Variants in RGS7 observed in about 807,000 individuals in gnomAD.
RGS7 encodes the protein regulator of G-protein signaling 7.
RGS7 carries 27 observed loss-of-function variants against 81.1 expected under a neutral mutation model. The observed-to-expected ratio is 0.33, with a 90% CI of 0.25 to 0.46. The LOEUF (loss-of-function observed/expected upper bound fraction) is 0.46. Ranked by LOEUF, RGS7 falls within the 20% of genes least tolerant of loss-of-function variation. The pLI is 1.00. For missense variants in RGS7, 396 were observed against 607.4 expected (o/e 0.65, Z 3.66); for synonymous variants, 208 against 207.7 (o/e 1.00, Z -0.01).
At position 241,314,542 on chromosome 1, in the gene RGS7, G is replaced by A. The variant is rs140574357; in HGVS notation, c.78+41157C>T. On this transcript the variant is annotated intron_variant, in intron 2 of 18. Coordinates refer to ENST00000440928, the MANE Select transcript of RGS7 (RefSeq NM_001364886.1). Reference sequence around the variant, plus strand: ...AGAAACCAAAGAATTTGTGTGGCTCGCTTTATTGTCATATTCATTTATCAA... The same window carrying A: ...AGAAACCAAAGAATTTGTGTGGCTCACTTTATTGTCATATTCATTTATCAA... Among the ~76,000 whole-genome samples, 97 of 152,226 alleles carry A rather than the reference G, an allele frequency of 6.4e-4. 1 individual carries two copies. The highest frequency in any genetic ancestry group is 1.9e-3 in the African/African-American group (80 of 41,536).
intron 4 of RGS7, among the ~76,000 whole-genome samples, chr1:240,963,227 T>C (rs964020805): frequency 6.6e-6 from 1 of 152,154 alleles, no homozygotes. Flanking sequence ...ATTTCGTCCA[T>C]TTAGATTTGT....
rs373534552 is a variant in RGS7 at position 241,292,195 on chromosome 1, A to G, written c.78+63504T>C. 3.4e-4 allele frequency among the ~76,000 whole-genome samples: 52 copies of G among 152,310 alleles called. No individual in the cohort carries two copies. The East Asian group carries it at 7.7e-3, about 23-fold the overall frequency. On this transcript the variant is annotated intron_variant, in intron 2 of 18. Coordinates refer to ENST00000440928, the MANE Select transcript of RGS7 (RefSeq NM_001364886.1). ...TGAAGGACCTTCCTGACGCTGTTTTATAACTAACTTATTACATACTTCTAC... is the reference window on the plus strand; with the variant it reads ...TGAAGGACCTTCCTGACGCTGTTTTGTAACTAACTTATTACATACTTCTAC...
At chr1:240,966,691 T>C (rs1048758144) in intron 4 of RGS7, among the ~76,000 whole-genome samples, 2 of 152,162 alleles carry the variant, frequency 1.3e-5, no homozygotes, top group Non-Finnish European at 2.9e-5. Context: ...AAAAAATTGA[T>C]TAATCGAAAC....
intron 2 of RGS7, among the ~76,000 whole-genome samples, chr1:241,099,449 T>A (rs1362275327): frequency 6.6e-6 from 1 of 152,096 alleles, no homozygotes; most frequent in Non-Finnish European, 1.5e-5. Flanking sequence ...CACACACATA[T>A]GTATACAATA....
intron 2 of RGS7, among the ~76,000 whole-genome samples, chr1:241,274,609 T>C (rs914658005): frequency 2.6e-5 from 4 of 152,218 alleles, no homozygotes; most frequent in African/African-American, 7.2e-5. Context: ...TAAACTCTAA[T>C]GTATTTAAGT....
chr1:241,026,922 G>T (rs373275146), intron 3 of RGS7, among the ~76,000 whole-genome samples: 1 of 151,684 alleles, frequency 6.6e-6, no homozygotes, highest in East Asian at 1.9e-4. Context: ...GGTTTTGTAC[G>T]CGTAAGAAAT....
At position 240,874,490 on chromosome 1, in the gene RGS7, T is replaced by C. The variant is rs190786420; in HGVS notation, c.386-4371A>G. ...AACTTTATTATATTTGATGGAGATT[T>C]TGAATTTTATTGCTGAGATAAAAAA... is the stretch of plus-strand genomic sequence containing the variant. On this transcript the variant is annotated intron_variant, in intron 6 of 18. Transcript: ENST00000440928. 2.0e-3 allele frequency among the ~76,000 whole-genome samples: 309 copies of C among 152,314 alleles called. 1 individual carries two copies. The highest frequency in any genetic ancestry group is 3.2e-3 in the Non-Finnish European group (218 of 68,020).
intron 18 of RGS7, among the ~76,000 whole-genome samples, 187 bp from the exon 19 acceptor site, chr1:240,776,400 G>A (rs374977968): frequency 2.2e-4 from 29 of 129,482 alleles, no homozygotes; most frequent in East Asian, 1.9e-3. Context: ...CCACTGACAC[G>A]TCAAACAAAA....
At chr1:241,123,494 T>C (rs2066435708) in intron 2 of RGS7, among the ~76,000 whole-genome samples, 1 of 152,214 alleles carries the variant, frequency 6.6e-6, no homozygotes, top group African/African-American at 2.4e-5. Flanking sequence ...CTCACGCCTG[T>C]AATCCCAGCA....
chr1:241,051,542 TTCTC>T (rs1392999670), intron 3 of RGS7, among the ~76,000 whole-genome samples: 4 of 151,966 alleles, frequency 2.6e-5, no homozygotes, highest in Non-Finnish European at 5.9e-5. Context: ...CTCTCTCTCT[TTCTC>T]TCTCTCCCCG....
chr1:240,830,495 C>G (rs1269001905), intron 9 of RGS7, among the ~76,000 whole-genome samples: 1 of 152,162 alleles, frequency 6.6e-6, no homozygotes, highest in East Asian at 1.9e-4. Context: ...CTCTAGACCC[C>G]AAACTCTCTT....
intron 2 of RGS7, among the ~76,000 whole-genome samples, chr1:241,345,561 G>A (rs991946416): frequency 3.3e-5 from 5 of 152,006 alleles, no homozygotes; most frequent in East Asian, 1.9e-4. Context: ...ATTTCTCAAC[G>A]CCTATTTTTC....
intron 18 of RGS7, among the ~76,000 whole-genome samples, chr1:240,795,143 C>T (rs1272748425): frequency 1.3e-5 from 2 of 152,146 alleles, no homozygotes; most frequent in African/African-American, 4.8e-5. Flanking sequence ...GAGATCACAC[C>T]ATTGCCCTCC....
chr1:240,992,867 T>A (rs1353633456), intron 3 of RGS7, among the ~76,000 whole-genome samples: 2 of 148,860 alleles, frequency 1.3e-5, no homozygotes, highest in South Asian at 2.1e-4. Flanking sequence ...AAAAAAATAT[T>A]AGCCGGGCAT....
intron 9 of RGS7, among the ~76,000 whole-genome samples, chr1:240,855,180 T>C (rs1161455838): frequency 1.3e-5 from 2 of 151,734 alleles, no homozygotes; most frequent in African/African-American, 2.4e-5. Flanking sequence ...CATATAACCT[T>C]TTTTTGGATG....
intron 2 of RGS7, among the ~76,000 whole-genome samples, chr1:241,169,552 C>T (rs1409234715): frequency 6.6e-6 from 1 of 151,840 alleles, no homozygotes; most frequent in Non-Finnish European, 1.5e-5. Context: ...ACCATCTTGG[C>T]CAGGCTGGTC....
chr1:241,272,362 A>G (rs1279721069), intron 2 of RGS7, among the ~76,000 whole-genome samples: 1 of 152,008 alleles, frequency 6.6e-6, no homozygotes, highest in East Asian at 1.9e-4. Context: ...GACCTCCCCA[A>G]ATTATTTCCT....
At chr1:240,864,555 T>TGTTCTAA (rs1662875159) in intron 9 of RGS7, among the ~76,000 whole-genome samples, 1 of 152,218 alleles carries the variant, frequency 6.6e-6, no homozygotes, top group African/African-American at 2.4e-5. Context: ...AAGGCTGCTT[T>TGTTCTAA]GTTCTAAGTC....
At chr1:240,902,770 A>G (rs1670218180) in intron 6 of RGS7, among the ~76,000 whole-genome samples, 1 of 152,228 alleles carries the variant, frequency 6.6e-6, no homozygotes, top group Non-Finnish European at 1.5e-5. Context: ...ACAGAACGTT[A>G]TGCAACTATT....
Sources: allele counts gnomAD v4.1 joint callset (sites outside exome capture counted in the v4.1 genomes callset), GRCh38; gene constraint gnomAD v4.1.1; transcripts MANE v1.5; gene names NCBI Gene and HGNC (gene_info 2026-07-23, HGNC 2026-07-21).